TFAP2B: variants seen among roughly 807,000 people sequenced by gnomAD.
The protein encoded by TFAP2B is transcription factor AP-2-beta.
In TFAP2B, 9 loss-of-function variants were observed where a neutral mutation model predicts 44.3. The observed-to-expected ratio is 0.20, with a 90% CI of 0.12 to 0.35. The LOEUF is 0.35. Ranked by LOEUF, TFAP2B falls within the 10% of genes least tolerant of loss-of-function variation. The probability of loss-of-function intolerance (pLI) is 1.00; values close to 1 mark genes in which losing one functional copy is unlikely to be tolerated. For synonymous variants in TFAP2B, 270 were observed against 263.8 expected (o/e 1.02, Z -0.23); for missense variants, 509 against 600.0 (o/e 0.85, Z 1.59).
At chr6:50,836,000 T>G in intron 3 of TFAP2B, 61 bp from the exon 4 acceptor site, 1 of 1,319,528 alleles carries the variant, frequency 7.6e-7, no homozygotes, top group Non-Finnish European at 1.1e-6. Flanking sequence ...ACACATTCTA[T>G]CAGCCGGTCA....
Position 50,836,318 on chromosome 6 carries a change from A to G in TFAP2B, c.821+38A>G, listed in dbSNP as rs563398266. ...CGAAAAACAAAAACAAAAACAAAAAAACAAACAAAAACCCACCAGTTTTTA... is the reference window on the plus strand; with the variant it reads ...CGAAAAACAAAAACAAAAACAAAAAGACAAACAAAAACCCACCAGTTTTTA... On this transcript the variant is annotated intron_variant, in intron 4 of 6. Transcript: ENST00000393655. The G allele has an allele frequency of 5.2e-6, 8 of 1,543,316 alleles. No homozygotes were observed. In the East Asian group the frequency reaches 1.6e-4, roughly 30 times the overall value.
At position 50,823,700 on chromosome 6, in the gene TFAP2B, T is replaced by TA; in HGVS notation, c.375_376insA (p.Arg126ThrfsTer11). The stretch of plus-strand genomic sequence containing the variant: ...AAGCCGGCTCTCTCCTGCCCCAGCC[T>TA]CGGGCCGCCTTGCCCCAGCTCTCGG... On this transcript the variant is annotated frameshift_variant, in exon 2 of 7. Transcript: ENST00000393655. LOFTEE classifies it high-confidence loss of function. The TA allele has an allele frequency of 6.2e-7, 1 of 1,613,492 alleles. No homozygotes were observed. The highest frequency in any genetic ancestry group is 8.5e-7 in the Non-Finnish European group (1 of 1,179,764).
intron 3 of TFAP2B, 35 bp from the exon 4 acceptor site, chr6:50,836,026 G>C: frequency 6.4e-7 from 1 of 1,555,470 alleles, no homozygotes. Context: ...ATCGAAACTT[G>C]GTCACCTTTA....
At chr6:50,818,781 T>C (rs191618205), upstream of TFAP2B, 6 of 893,770 alleles carry the variant, frequency 6.7e-6, no homozygotes, top group Non-Finnish European at 1.1e-5. Context: ...CAGATATAAG[T>C]TGCGATGGGA....
At chr6:50,833,817 T>C (rs895365224) in intron 3 of TFAP2B, among the ~76,000 whole-genome samples, 1 of 152,168 alleles carries the variant, frequency 6.6e-6, no homozygotes, top group Non-Finnish European at 1.5e-5. Flanking sequence ...TCAGTGGGTA[T>C]TTGGTTATCC....
chr6:50,824,742 T>A (rs551341762), intron 2 of TFAP2B, among the ~76,000 whole-genome samples: 1 of 152,298 alleles, frequency 6.6e-6, no homozygotes, highest in South Asian at 2.1e-4. Flanking sequence ...CTATCCCATC[T>A]GCAGTCTACA....
At chr6:50,832,707 C>T (rs1332035583) in intron 3 of TFAP2B, among the ~76,000 whole-genome samples, 2 of 152,024 alleles carry the variant, frequency 1.3e-5, no homozygotes, top group Non-Finnish European at 2.9e-5. Context: ...TTCCCTTCTC[C>T]TCACCAGCAG....
intron 2 of TFAP2B, 41 bp downstream of exon 2, chr6:50,823,906 G>T: frequency 1.3e-6 from 2 of 1,531,386 alleles, no homozygotes; most frequent in Admixed American, 2.0e-5. Flanking sequence ...AAAAGACCAC[G>T]AATAAGGAAT....
chr6:50,845,628 C>G lies in TFAP2B; in HGVS notation c.*2236C>G, dbSNP rs1389812742. The G allele has an allele frequency of 1.3e-5, 2 of 152,740 alleles. No individual in the cohort carries two copies. The highest frequency in any genetic ancestry group is 1.3e-4 in the Admixed American group (2 of 15,288). 9.5% of individuals were successfully genotyped at this position (152,740 alleles called of 1,614,324 possible). On this transcript the variant is annotated 3_prime_UTR_variant, in exon 7 of 7. Coordinates refer to ENST00000393655, the MANE Select transcript of TFAP2B (RefSeq NM_003221.4). ...GCCTTCGTCCGAGAGCTCGGCCGAT[C>G]GCATTAGATGTGTTCTGATTGCACA...
intron 5 of TFAP2B, among the ~76,000 whole-genome samples, chr6:50,839,641 A>C (rs1172448752): frequency 1.3e-5 from 2 of 152,238 alleles, no homozygotes; most frequent in African/African-American, 2.4e-5. Flanking sequence ...TTATTATTTC[A>C]TTGCAGATAG....
At position 50,844,779 on chromosome 6, in the gene TFAP2B, CT is replaced by C. The variant is rs1355169518; in HGVS notation, c.*1390del. The C allele has an allele frequency of 1.3e-5, 2 of 152,238 alleles. No homozygotes were observed. Among genetic ancestry groups the C allele is most frequent in the Non-Finnish European group, 2.9e-5 (2 of 68,036 alleles). The allele number at this position is 152,238 out of a possible 1,614,324, so 9.4% of individuals were successfully genotyped here. ...GCTGTTTAAGCAAGGAAAGAAGCAG[CT>C]TTACGAGTGGACGTGGGGAGGAGGG... On this transcript the variant is annotated 3_prime_UTR_variant, in exon 7 of 7. Transcript: ENST00000393655.
At chr6:50,838,767 CA>C (rs1762671294) in intron 5 of TFAP2B, among the ~76,000 whole-genome samples, 1 of 152,142 alleles carries the variant, frequency 6.6e-6, no homozygotes, top group Admixed American at 6.5e-5. Context: ...ATGTAATAAA[CA>C]AAATCATCTA....
chr6:50,821,294 A>G (rs1196622818), intron 1 of TFAP2B, among the ~76,000 whole-genome samples: 1 of 152,264 alleles, frequency 6.6e-6, no homozygotes, highest in Non-Finnish European at 1.5e-5. Flanking sequence ...GTCCTTTAAC[A>G]AATGAGCATA....
At chr6:50,840,098 G>A (rs1382529850) in intron 5 of TFAP2B, 58 bp from the exon 6 acceptor site, 14 of 1,607,866 alleles carry the variant, frequency 8.7e-6, no homozygotes, top group Admixed American at 6.7e-5. Flanking sequence ...GAATGTCTCC[G>A]CCCTGGGATA....
At chr6:50,822,653 T>C (rs751641842) in intron 1 of TFAP2B, among the ~76,000 whole-genome samples, 2 of 152,186 alleles carry the variant, frequency 1.3e-5, no homozygotes, top group Non-Finnish European at 2.9e-5. Context: ...TATAACAGCA[T>C]TAGATATAGA....
In TFAP2B at chr6:50,843,383, C is replaced by T. The variant is rs754244526; in HGVS notation, c.1374C>T (p.His458=). 16 of 1,612,398 alleles carry T rather than the reference C, an allele frequency of 9.9e-6. 1 individual carries two copies. The South Asian group carries it at 1.2e-4, about 12-fold the overall frequency. ...AAACTGGCGACAAGGAGGAGAAACA[C>T]AGGAAATGAAAAATTTTTAAAAAAA... ...GSKTGDKEEK[H]RK Residue 458 remains histidine (H), a synonymous_variant, in exon 7 of 7, where the codon CAC becomes CAT. Coordinates refer to ENST00000393655, the MANE Select transcript of TFAP2B (RefSeq NM_003221.4).
rs145738585 is a variant in TFAP2B at position 50,835,150 on chromosome 6, C to G, written c.602-911C>G. On this transcript the variant is annotated intron_variant, in intron 3 of 6. Coordinates refer to ENST00000393655, the MANE Select transcript of TFAP2B (RefSeq NM_003221.4). ...GCAACCAGCTGTCAACTCTTATTAACTTCTGCATAAAACATACCTTGAGTG... is the reference window on the plus strand; with the variant it reads ...GCAACCAGCTGTCAACTCTTATTAAGTTCTGCATAAAACATACCTTGAGTG... 1.8e-3 allele frequency among the ~76,000 whole-genome samples: 271 copies of G among 152,354 alleles called. 3 individuals carry two copies. The highest frequency in any genetic ancestry group is 6.2e-3 in the African/African-American group (257 of 41,586).
rs575763972 is a variant in TFAP2B, at chr6:50,844,598, C to G, written c.*1206C>G. On this transcript the variant is annotated 3_prime_UTR_variant, in exon 7 of 7. Coordinates refer to ENST00000393655, the MANE Select transcript of TFAP2B (RefSeq NM_003221.4). The stretch of plus-strand genomic sequence containing the variant: ...AAGCAGCTTTGAATCTACATGCTAA[C>G]ATTCCTCAACACTCCAATTCCGGTG... The G allele has an allele frequency of 2.0e-5, 3 of 152,822 alleles. No homozygotes were observed. The East Asian group carries it at 5.8e-4, about 29-fold the overall frequency. The allele number at this position is 152,822 out of a possible 1,614,324, so 9.5% of individuals were successfully genotyped here. A position where few individuals can be genotyped will look rare whatever the true frequency, so the allele number is the denominator to read the frequency against.
In TFAP2B at chr6:50,821,970, T is replaced by C. The variant is rs559395609; in HGVS notation, c.82-1437T>C. On this transcript the variant is annotated intron_variant, in intron 1 of 6. Transcript: ENST00000393655. ...TGTGTGACAGGCATCGCCAATCTTG[T>C]TGGGGTGGGGGGCGGGTGTAATTTT... is the stretch of plus-strand genomic sequence containing the variant. 1.8e-4 allele frequency: 44 copies of C among 244,750 alleles called. 1 individual carries two copies. Among genetic ancestry groups the C allele is most frequent in the South Asian group, 1.0e-3 (41 of 41,034 alleles). 15.2% of individuals were successfully genotyped at this position (244,750 alleles called of 1,614,324 possible).
Sources: gnomAD v4.1 joint callset for allele counts (sites outside exome capture counted in the v4.1 genomes callset) on GRCh38, gnomAD v4.1.1 for gene constraint, MANE v1.5 for transcripts, NCBI Gene and HGNC (gene_info 2026-07-23, HGNC 2026-07-21) for gene names.